GCM1: variants seen among roughly 807,000 people sequenced by gnomAD.
GCM1 encodes GCM transcription factor 1, also known as chorion-specific transcription factor GCMa.
A neutral mutation model predicts 25.7 loss-of-function variants in GCM1; 2 were observed. That is an observed-to-expected ratio of 0.08 (90% CI 0.03 to 0.24). The LOEUF is 0.24. Ranked by LOEUF, GCM1 falls within the 10% of genes least tolerant of loss-of-function variation. The pLI is 1.00. For missense variants in GCM1, 395 were observed against 538.7 expected, an observed-to-expected ratio of 0.73 and a Z score of 2.64; for synonymous variants, 183 against 195.7, an observed-to-expected ratio of 0.94 and a Z score of 0.54.
intron 2 of GCM1, among the ~76,000 whole-genome samples, chr6:53,136,286 C>T (rs1562089206): frequency 6.6e-6 from 1 of 152,322 alleles, no homozygotes; most frequent in South Asian, 2.1e-4. Context: ...CTGTATGGCC[C>T]ACAAAGACTA....
intron 5 of GCM1, 25 bp from the exon 6 acceptor site, chr6:53,128,971 T>C: frequency 6.3e-7 from 1 of 1,595,946 alleles, no homozygotes; most frequent in Non-Finnish European, 8.5e-7. Context: ...GAAATGCTCG[T>C]GTTAATAAGT....
intron 2 of GCM1, among the ~76,000 whole-genome samples, chr6:53,140,638 A>G (rs1328538169): frequency 6.6e-6 from 1 of 152,184 alleles, no homozygotes; most frequent in Non-Finnish European, 1.5e-5. Context: ...GTAGGAACAA[A>G]ATGATCCAGG....
rs554846898 is a variant in GCM1, at chr6:53,144,712, C to A, written c.75+846G>T. On this transcript the variant is annotated intron_variant, in intron 2 of 5. Transcript: ENST00000259803. Reference sequence around the variant, plus strand: ...GGGAGATCACTTGAGCCCAGGAGTTCAAGACCAGCCCGGGCAACATGGCAA... The same window carrying A: ...GGGAGATCACTTGAGCCCAGGAGTTAAAGACCAGCCCGGGCAACATGGCAA... Among the ~76,000 whole-genome samples, 14 of 151,830 alleles carry A rather than the reference C, an allele frequency of 9.2e-5. No individual in the cohort carries two copies. The South Asian group carries it at 2.5e-3, about 27-fold the overall frequency.
intron 2 of GCM1, among the ~76,000 whole-genome samples, chr6:53,137,504 T>C (rs758049332): frequency 9.9e-5 from 15 of 152,138 alleles, no homozygotes; most frequent in Non-Finnish European, 1.8e-4. Context: ...ATGTCTACTT[T>C]TGGCCAGGAA....
At chr6:53,139,516 AG>A (rs1763844482) in intron 2 of GCM1, among the ~76,000 whole-genome samples, 5 of 130,608 alleles carry the variant, frequency 3.8e-5, no homozygotes, top group African/African-American at 5.5e-5. Context: ...AAAAAAAAAA[AG>A]GGGGAATTAC....
intron 2 of GCM1, among the ~76,000 whole-genome samples, chr6:53,136,651 C>A (rs889994407): frequency 3.3e-5 from 5 of 152,162 alleles, no homozygotes; most frequent in Non-Finnish European, 5.9e-5. Flanking sequence ...CTTCATGCTT[C>A]ATACCTTGCC....
chr6:53,129,042 C>T, intron 5 of GCM1, 96 bp from the exon 6 acceptor site: 1 of 955,914 alleles, frequency 1.0e-6, no homozygotes. Flanking sequence ...ATAAGAGCTC[C>T]ATCAGATTTT....
chr6:53,145,510 G>A, intron 2 of GCM1, 48 bp downstream of exon 2: 1 of 960,282 alleles, frequency 1.0e-6, no homozygotes, highest in Non-Finnish European at 1.7e-6. Flanking sequence ...TAATAGTCAA[G>A]ACTTCACAGC....
Position 53,134,306 on chromosome 6 carries a change from A to G in GCM1, c.94T>C (p.Trp32Arg), listed in dbSNP as rs144199414. Residue 32 changes from tryptophan (W) to arginine (R), a missense_variant, in exon 3 of 6, where the codon TGG (tryptophan) becomes CGG (arginine). Trp to Arg is a moderately radical substitution (Grantham distance 101). Transcript: ENST00000259803. ...TAGGAATCTGGCCACTCCTGGAACC[A>G]GTCGGTTTTTTTCACGTTCTGATAG... ...KLPQNVKKTD[W>R]FQEWPDSYAK... The G allele has an allele frequency of 6.2e-6, 10 of 1,613,718 alleles. No homozygotes were observed. The Admixed American group carries it at 1.2e-4, about 19-fold the overall frequency.
chr6:53,141,393 T>C (rs528272560), intron 2 of GCM1, among the ~76,000 whole-genome samples: 16 of 152,262 alleles, frequency 1.1e-4, no homozygotes, highest in African/African-American at 3.6e-4. Context: ...GGTAATCATT[T>C]TGAAACTTGA....
intron 2 of GCM1, among the ~76,000 whole-genome samples, chr6:53,143,780 C>T (rs1474353529): frequency 6.7e-6 from 1 of 148,246 alleles, no homozygotes; most frequent in Admixed American, 6.9e-5. Context: ...TGTTCTCCAG[C>T]TCTGTCCCAA....
chr6:53,137,896 C>A (rs1358414365), intron 2 of GCM1, among the ~76,000 whole-genome samples: 1 of 152,122 alleles, frequency 6.6e-6, no homozygotes, highest in Non-Finnish European at 1.5e-5. Context: ...GCAAAGACTC[C>A]TTGCCTGTAG....
intron 3 of GCM1, 25 bp downstream of exon 3, chr6:53,134,047 G>C: frequency 6.2e-7 from 1 of 1,605,926 alleles, no homozygotes; most frequent in Non-Finnish European, 8.5e-7. Context: ...CAGCTTTTTT[G>C]CTGGTGCCAC....
At chr6:53,135,650 C>T (rs778742096) in intron 2 of GCM1, among the ~76,000 whole-genome samples, 9 of 152,164 alleles carry the variant, frequency 5.9e-5, no homozygotes, top group Non-Finnish European at 7.3e-5. Context: ...CCATGCCCTA[C>T]GGCTTTCAGA....
chr6:53,147,989 C>T (rs1222813323), intron 1 of GCM1, among the ~76,000 whole-genome samples: 1 of 152,132 alleles, frequency 6.6e-6, no homozygotes, highest in Non-Finnish European at 1.5e-5. Flanking sequence ...CCTGTCTGTT[C>T]CACATACCCA....
intron 1 of GCM1, among the ~76,000 whole-genome samples, chr6:53,146,217 T>TATATATATATATATATATATATA: frequency 6.5e-5 from 2 of 30,872 alleles, no homozygotes; most frequent in Non-Finnish European, 1.2e-4. Context: ...TATATATATA[T>TATATATATATATATATATATATA]TTTTTTTTTT....
chr6:53,140,241 C>T (rs1197722819), intron 2 of GCM1, among the ~76,000 whole-genome samples: 1 of 152,154 alleles, frequency 6.6e-6, no homozygotes, highest in Non-Finnish European at 1.5e-5. Context: ...GTGACCTGCT[C>T]ATACAGGGGA....
intron 2 of GCM1, among the ~76,000 whole-genome samples, chr6:53,138,278 CAAA>C (rs566559211): frequency 2.5e-4 from 22 of 89,206 alleles, no homozygotes; most frequent in Non-Finnish European, 1.3e-4. Context: ...TGCTTTGTCT[CAAA>C]AAAAAAAAAA....
At chr6:53,130,661 A>G in intron 5 of GCM1, 142 bp downstream of exon 5, 2 of 606,726 alleles carry the variant, frequency 3.3e-6, no homozygotes, top group South Asian at 2.4e-5. Context: ...TAATTTCTTT[A>G]GCAGATGCTT....
Sources: allele counts gnomAD v4.1 joint callset (sites outside exome capture counted in the v4.1 genomes callset), GRCh38; gene constraint gnomAD v4.1.1; transcripts MANE v1.5; gene names NCBI Gene and HGNC (gene_info 2026-07-23, HGNC 2026-07-21).